The following ADARB2 variants were observed in gnomAD, a reference collection of about 807,000 sequenced individuals.
The protein encoded by ADARB2 is inactive double-stranded RNA-specific editase B2.
In ADARB2, 25 loss-of-function variants were observed where a neutral mutation model predicts 62.2. The ratio of observed to expected loss-of-function variants is 0.40; its 90% confidence interval spans 0.29 to 0.56. The LOEUF is 0.56. ADARB2 is among the 20% of genes least tolerant of loss of function. The probability of loss-of-function intolerance (pLI) is 0.43; values close to 1 mark genes in which losing one functional copy is unlikely to be tolerated. For missense variants in ADARB2, 1,071 were observed against 1,077.4 expected (o/e 0.99, Z 0.08); for synonymous variants, 572 against 500.8 (o/e 1.14, Z -1.90).
chr10:1,377,137 G>A lies in ADARB2; in HGVS notation c.187+1937C>T, dbSNP rs142622032. Reference sequence around the variant, plus strand: ...TGTGTGTGTGCGGTGCGTCCCTGGGGTGTGTGTGTTTGTGTGTGCTCCTGG... The same window carrying A: ...TGTGTGTGTGCGGTGCGTCCCTGGGATGTGTGTGTTTGTGTGTGCTCCTGG... On this transcript the variant is annotated intron_variant, in intron 2 of 9. Coordinates refer to ENST00000381312, the MANE Select transcript of ADARB2 (RefSeq NM_018702.4). Among the ~76,000 whole-genome samples, 35 of 139,052 alleles carry A rather than the reference G, an allele frequency of 2.5e-4. 1 individual carries two copies. The East Asian group carries it at 8.0e-3, about 32-fold the overall frequency. The allele number at this position is 139,052 out of a possible 152,430, so 91.2% of individuals were successfully genotyped here. A position where few individuals can be genotyped will look rare whatever the true frequency, so the allele number is the denominator to read the frequency against.
At chr10:1,258,506 T>A (rs1238764806) in intron 4 of ADARB2, among the ~76,000 whole-genome samples, 3 of 152,074 alleles carry the variant, frequency 2.0e-5, no homozygotes, top group African/African-American at 7.2e-5. Context: ...AATCCTAGTC[T>A]CTAATAAAAC....
chr10:1,363,990 T>C, intron 2 of ADARB2, 73 bp from the exon 3 acceptor site: 1 of 1,396,602 alleles, frequency 7.2e-7, no homozygotes, highest in Non-Finnish European at 9.2e-7. Flanking sequence ...AGGCACTCCC[T>C]GAGGGTCCCC....
intron 1 of ADARB2, among the ~76,000 whole-genome samples, chr10:1,384,973 G>A (rs1832513691): frequency 6.6e-6 from 1 of 152,160 alleles, no homozygotes; most frequent in African/African-American, 2.4e-5. Context: ...TGAAGAGCTA[G>A]GATTCAGCTG....
chr10:1,684,954 G>A lies in ADARB2; in HGVS notation c.100+52097C>T, dbSNP rs193123517. Among the ~76,000 whole-genome samples, 16 of 152,260 alleles carry A rather than the reference G, an allele frequency of 1.1e-4. No individual in the cohort carries two copies. The East Asian group carries it at 3.1e-3, about 29-fold the overall frequency. ...GTGGGGGCCTCATCCATGCTCATGA[G>A]TGGGTGGTCAGAGTGGACCCAGAAG... On this transcript the variant is annotated intron_variant, in intron 1 of 9. Transcript: ENST00000381312.
intron 1 of ADARB2, among the ~76,000 whole-genome samples, chr10:1,474,734 G>GC (rs1831375808): frequency 6.6e-6 from 1 of 152,236 alleles, no homozygotes; most frequent in Non-Finnish European, 1.5e-5. Context: ...GCCCCAGGCA[G>GC]CGGGTGGGTC....
At chr10:1,227,109 G>A (rs188913771) in intron 6 of ADARB2, among the ~76,000 whole-genome samples, 2,685 of 152,330 alleles carry the variant, frequency 0.018, 32 homozygotes, top group Admixed American at 0.031. Flanking sequence ...CGGCAATGGC[G>A]GGCGCCCCTC....
intron 1 of ADARB2, among the ~76,000 whole-genome samples, chr10:1,536,893 T>C (rs1416245199): frequency 1.3e-5 from 2 of 152,176 alleles, no homozygotes; most frequent in Non-Finnish European, 2.9e-5. Flanking sequence ...ATTCAGGACA[T>C]AGTCATGGGC....
intron 1 of ADARB2, among the ~76,000 whole-genome samples, chr10:1,440,772 C>A (rs1056813203): frequency 2.0e-5 from 3 of 152,170 alleles, no homozygotes; most frequent in African/African-American, 7.2e-5. Context: ...AGAACAAATG[C>A]ATGAAATGCC....
chr10:1,557,059 C>A (rs946238972), intron 1 of ADARB2: 7 of 356,628 alleles, frequency 2.0e-5, no homozygotes, highest in Admixed American at 3.8e-5. Context: ...CCTTGGAAAC[C>A]TCAGTTTAAG....
chr10:1,204,472 C>T (rs542804075), intron 7 of ADARB2, among the ~76,000 whole-genome samples: 2 of 152,350 alleles, frequency 1.3e-5, no homozygotes, highest in African/African-American at 2.4e-5. Flanking sequence ...GCATTATTGA[C>T]ACCCTGGCCT....
rs76594993 is a variant in ADARB2, at chr10:1,366,074, T to C, written c.188-2157A>G. On this transcript the variant is annotated intron_variant, in intron 2 of 9. Transcript: ENST00000381312. ...ACGTTCTATATTCTTCATGCAGCCA[T>C]GCGTCTGTGACAAGGCTGCTGATGC... Among the ~76,000 whole-genome samples the C allele has an allele frequency of 5.2e-3, 791 of 152,330 alleles. 4 individuals carry two copies. Among genetic ancestry groups the C allele is most frequent in the African/African-American group, 0.017 (718 of 41,576 alleles).
intron 1 of ADARB2, among the ~76,000 whole-genome samples, chr10:1,590,174 C>G (rs745715680): frequency 6.6e-6 from 1 of 152,208 alleles, no homozygotes; most frequent in Admixed American, 6.5e-5. Context: ...TGGCGCTGAG[C>G]CTGCACAGGT....
intron 1 of ADARB2, among the ~76,000 whole-genome samples, chr10:1,584,805 G>A (rs1833153048): frequency 6.6e-6 from 1 of 152,112 alleles, no homozygotes; most frequent in Non-Finnish European, 1.5e-5. Flanking sequence ...AAAGACACGG[G>A]GGAAATGTAA....
chr10:1,651,999 C>G (rs915447108), intron 1 of ADARB2, among the ~76,000 whole-genome samples: 9 of 152,252 alleles, frequency 5.9e-5, no homozygotes, highest in African/African-American at 2.2e-4. Context: ...ATACAGAGAG[C>G]TGGGCTCCAT....
At chr10:1,380,181 A>G (rs1832470475) in intron 1 of ADARB2, among the ~76,000 whole-genome samples, 1 of 152,218 alleles carries the variant, frequency 6.6e-6, no homozygotes, top group African/African-American at 2.4e-5. Flanking sequence ...CACGGTTCAC[A>G]TGTGCCATTA....
intron 1 of ADARB2, among the ~76,000 whole-genome samples, chr10:1,544,911 TTAGG>T (rs1424910461): frequency 6.9e-6 from 1 of 145,688 alleles, no homozygotes; most frequent in African/African-American, 2.5e-5. Flanking sequence ...AGTCTACATA[TTAGG>T]TAAAGTCTAT....
At chr10:1,429,364 T>C (rs2820652) in intron 1 of ADARB2, among the ~76,000 whole-genome samples, 64,540 of 152,078 alleles carry the variant, frequency 0.42, 15,723 homozygotes, top group East Asian at 0.68. Context: ...TTCCGTAGGA[T>C]AAAACGCTCA....
intron 1 of ADARB2, among the ~76,000 whole-genome samples, chr10:1,635,337 G>A (rs1833906232): frequency 6.6e-6 from 1 of 152,320 alleles, no homozygotes; most frequent in Non-Finnish European, 1.5e-5. Context: ...TGGTGAACTC[G>A]GCAGGCTGAG....
intron 1 of ADARB2, among the ~76,000 whole-genome samples, chr10:1,462,328 G>A (rs1831185615): frequency 6.6e-6 from 1 of 152,214 alleles, no homozygotes; most frequent in African/African-American, 2.4e-5. Context: ...GAGCTTCAAG[G>A]GGAGAGGCAA....
Sources: gnomAD v4.1 joint callset for allele counts (sites outside exome capture counted in the v4.1 genomes callset) on GRCh38, gnomAD v4.1.1 for gene constraint, MANE v1.5 for transcripts, NCBI Gene and HGNC (gene_info 2026-07-23, HGNC 2026-07-21) for gene names.